HAPLN3: variants seen among roughly 807,000 people sequenced by gnomAD.
HAPLN3 encodes the protein extracellular link domain containing, 1.
HAPLN3 carries 28 observed loss-of-function variants against 28.1 expected under a neutral mutation model. The ratio of observed to expected loss-of-function variants is 1.00; its 90% confidence interval spans 0.74 to 1.37. The LOEUF is 1.37. HAPLN3 is among the 40% of genes most tolerant of loss of function. The pLI, the probability that HAPLN3 is intolerant of heterozygous loss-of-function variation, is 0.00. For synonymous variants in HAPLN3, 211 were observed against 213.1 expected (o/e 0.99, Z 0.09); for missense variants, 513 against 504.6 (o/e 1.02, Z -0.16).
Position 88,879,566 on chromosome 15 carries a change from T to C in HAPLN3, c.494-297A>G. The stretch of plus-strand genomic sequence containing the variant: ...CGCAAGGCTGTCGCCAGACCCCCAG[T>C]GAGGCTGTGCCATCTTCTCCAGACA... On this transcript the variant is annotated intron_variant, in intron 3 of 4. Transcript: ENST00000359595. This position sits in a 1 kb window ranked among gnomAD's most constrained non-coding sequence, Gnocchi z 5.0. 1 of 1,387,348 alleles carries C rather than the reference T, an allele frequency of 7.2e-7. No homozygotes were observed. The highest frequency in any genetic ancestry group is 1.2e-5 in the South Asian group (1 of 81,070). The allele number at this position is 1,387,348 out of a possible 1,614,324, so 85.9% of individuals were successfully genotyped here.
Position 88,880,172 on chromosome 15 carries a change from A to G in HAPLN3, c.494-903T>C, listed in dbSNP as rs1897659140. ...CGTGTGTTTGCAGGGGGACTATTTCATGCCTGGTTCCACCCCAAATTCCTA... is the reference window on the plus strand; with the variant it reads ...CGTGTGTTTGCAGGGGGACTATTTCGTGCCTGGTTCCACCCCAAATTCCTA... On this transcript the variant is annotated intron_variant, in intron 3 of 4. Transcript: ENST00000359595. The surrounding 1 kb of genome is among the most constrained non-coding windows in gnomAD (Gnocchi z 6.0). The G allele has an allele frequency of 1.0e-6, 1 of 995,234 alleles. No homozygotes were observed. The highest frequency in any genetic ancestry group is 4.5e-5 in the South Asian group (1 of 22,274). 61.7% of individuals were successfully genotyped at this position (995,234 alleles called of 1,614,324 possible).
At chr15:88,889,710 A>G (rs992008553) in intron 1 of HAPLN3, among the ~76,000 whole-genome samples, 1 of 152,214 alleles carries the variant, frequency 6.6e-6, no homozygotes, top group Non-Finnish European at 1.5e-5. Flanking sequence ...TCACATCTTA[A>G]GACACTTCCC....
rs1897718086 is a variant in HAPLN3, at chr15:88,881,966, A to C, written c.125-241T>G. On this transcript the variant is annotated intron_variant, in intron 2 of 4. Transcript: ENST00000359595. The surrounding 1 kb of genome is among the most constrained non-coding windows in gnomAD (Gnocchi z 6.0). ...GCTGGCCTTGCCACTTGCTTGACCA[A>C]CTGAATGCCTTGGAAGTGACTGTTA... Among the ~76,000 whole-genome samples, 1 of 152,100 alleles carries C rather than the reference A, an allele frequency of 6.6e-6. No individual in the cohort carries two copies. The highest frequency in any genetic ancestry group is 6.5e-5 in the Admixed American group (1 of 15,288).
In HAPLN3 at chr15:88,881,168, T is replaced by C. The variant is rs1897685236; in HGVS notation, c.493+189A>G. Reference sequence around the variant, plus strand: ...TACAAGCTGTGTGACCTTAGGTAAGTTACTTGACCTCTCTGTGCCTCAGTT... The same window carrying C: ...TACAAGCTGTGTGACCTTAGGTAAGCTACTTGACCTCTCTGTGCCTCAGTT... On this transcript the variant is annotated intron_variant, in intron 3 of 4. Transcript: ENST00000359595. This position sits in a 1 kb window ranked among gnomAD's most constrained non-coding sequence, Gnocchi z 6.0. 1 of 701,190 alleles carries C rather than the reference T, an allele frequency of 1.4e-6. No homozygotes were observed. The highest frequency in any genetic ancestry group is 2.3e-6 in the Non-Finnish European group (1 of 433,976). 43.4% of individuals were successfully genotyped at this position (701,190 alleles called of 1,614,324 possible). A position where few individuals can be genotyped will look rare whatever the true frequency, so the allele number is the denominator to read the frequency against.
rs1175819055 is a variant in HAPLN3, at chr15:88,881,778, C to A, written c.125-53G>T. 4 of 1,547,368 alleles carry A rather than the reference C, an allele frequency of 2.6e-6. No homozygotes were observed. The East Asian group carries it at 9.1e-5, about 35-fold the overall frequency. On this transcript the variant is annotated intron_variant, in intron 2 of 4. Coordinates refer to ENST00000359595, the MANE Select transcript of HAPLN3 (RefSeq NM_178232.4). The surrounding 1 kb of genome is among the most constrained non-coding windows in gnomAD (Gnocchi z 6.0). Reference sequence around the variant, plus strand: ...GACCTGCTGAAGCACATCTGTACCCCTGCAAGGGCCACCGCACACCCTCAT... The same window carrying A: ...GACCTGCTGAAGCACATCTGTACCCATGCAAGGGCCACCGCACACCCTCAT...
In HAPLN3 at chr15:88,880,520, G is replaced by A. The variant is rs918361321; in HGVS notation, c.493+837C>T. 1.6e-6 allele frequency: 2 copies of A among 1,279,816 alleles called. No individual in the cohort carries two copies. Among genetic ancestry groups the A allele is most frequent in the Non-Finnish European group, 2.0e-6 (2 of 980,682 alleles). 79.3% of individuals were successfully genotyped at this position (1,279,816 alleles called of 1,614,324 possible). On this transcript the variant is annotated intron_variant, in intron 3 of 4. Coordinates refer to ENST00000359595, the MANE Select transcript of HAPLN3 (RefSeq NM_178232.4). The surrounding 1 kb of genome is among the most constrained non-coding windows in gnomAD (Gnocchi z 6.0). ...GCATTTACCCACATGTCATAGCTGG[G>A]ACGGGCTGGGGCTAAAGTCAGGTCA...
chr15:88,893,785 G>A (rs991280967), intron 1 of HAPLN3, among the ~76,000 whole-genome samples: 3 of 152,024 alleles, frequency 2.0e-5, no homozygotes, highest in Non-Finnish European at 2.9e-5. Context: ...AAAATTAGCC[G>A]AGTGTGGTGA....
chr15:88,885,463 T>G (rs1395734067), intron 2 of HAPLN3, among the ~76,000 whole-genome samples: 5 of 148,358 alleles, frequency 3.4e-5, no homozygotes, highest in African/African-American at 9.9e-5. Context: ...TTTGTGTTTT[T>G]TTTTTTTTTT....
chr15:88,880,309 C>T lies in HAPLN3; in HGVS notation c.494-1040G>A. 1 of 1,060,392 alleles carries T rather than the reference C, an allele frequency of 9.4e-7. No homozygotes were observed. The highest frequency in any genetic ancestry group is 1.1e-6 in the Non-Finnish European group (1 of 873,356). 65.7% of individuals were successfully genotyped at this position (1,060,392 alleles called of 1,614,324 possible). A position where few individuals can be genotyped will look rare whatever the true frequency, so the allele number is the denominator to read the frequency against. ...CTCCCCAACTCCACTGCCACCCCAA[C>T]TTCAAGAATGAGGAATGCGGCCCCT... On this transcript the variant is annotated intron_variant, in intron 3 of 4. Coordinates refer to ENST00000359595, the MANE Select transcript of HAPLN3 (RefSeq NM_178232.4). The surrounding 1 kb of genome is among the most constrained non-coding windows in gnomAD (Gnocchi z 6.0).
chr15:88,881,790 C>T lies in HAPLN3; in HGVS notation c.125-65G>A. ...CACATCTGTACCCCTGCAAGGGCCA[C>T]CGCACACCCTCATCCACGGCTCCTA... On this transcript the variant is annotated intron_variant, in intron 2 of 4. Transcript: ENST00000359595. This position sits in a 1 kb window ranked among gnomAD's most constrained non-coding sequence, Gnocchi z 6.0. The T allele has an allele frequency of 6.6e-7, 1 of 1,522,868 alleles. No homozygotes were observed. The highest frequency in any genetic ancestry group is 8.8e-7 in the Non-Finnish European group (1 of 1,131,766). 94.3% of individuals were successfully genotyped at this position (1,522,868 alleles called of 1,614,324 possible). A position where few individuals can be genotyped will look rare whatever the true frequency, so the allele number is the denominator to read the frequency against.
Position 88,881,014 on chromosome 15 carries a change from C to G in HAPLN3, c.493+343G>C. 3.0e-6 allele frequency: 1 copy of G among 332,994 alleles called. No individual in the cohort carries two copies. The highest frequency in any genetic ancestry group is 5.6e-6 in the Non-Finnish European group (1 of 179,416). The allele number at this position is 332,994 out of a possible 1,614,324, so 20.6% of individuals were successfully genotyped here. On this transcript the variant is annotated intron_variant, in intron 3 of 4. Coordinates refer to ENST00000359595, the MANE Select transcript of HAPLN3 (RefSeq NM_178232.4). The surrounding 1 kb of genome is among the most constrained non-coding windows in gnomAD (Gnocchi z 6.0). The stretch of plus-strand genomic sequence containing the variant: ...CCCGCTAACCTTGCTTAAATCTCAG[C>G]TCTGTCTCTAATAAGCTGTGGGACC...
intron 1 of HAPLN3, among the ~76,000 whole-genome samples, chr15:88,894,622 G>C (rs1567209100): frequency 6.6e-6 from 1 of 152,130 alleles, no homozygotes; most frequent in African/African-American, 2.4e-5. Flanking sequence ...AGGGAGAGAA[G>C]CCAGGGCCCC....
rs536509497 is a variant in HAPLN3, at chr15:88,880,108, A to G, written c.494-839T>C. 1 of 992,216 alleles carries G rather than the reference A, an allele frequency of 1.0e-6. No individual in the cohort carries two copies. Among genetic ancestry groups the G allele is most frequent in the African/African-American group, 1.7e-5 (1 of 57,420 alleles). The allele number at this position is 992,216 out of a possible 1,614,324, so 61.5% of individuals were successfully genotyped here. A position where few individuals can be genotyped will look rare whatever the true frequency, so the allele number is the denominator to read the frequency against. ...TGGGCAAAGCCAGGTTGGGCGGCAG[A>G]GAAGCCCATGGGCCCTGACAGTCAG... On this transcript the variant is annotated intron_variant, in intron 3 of 4. Transcript: ENST00000359595. The surrounding 1 kb of genome is among the most constrained non-coding windows in gnomAD (Gnocchi z 6.0).
Position 88,880,560 on chromosome 15 carries a change from C to A in HAPLN3, c.493+797G>T. ...AAGTCAGGTCACCTTCCTCTATCCC[C>A]GAACTGCCTCCCTAACATGTGGGAG... On this transcript the variant is annotated intron_variant, in intron 3 of 4. Coordinates refer to ENST00000359595, the MANE Select transcript of HAPLN3 (RefSeq NM_178232.4). This position sits in a 1 kb window ranked among gnomAD's most constrained non-coding sequence, Gnocchi z 6.0. 1 of 1,288,660 alleles carries A rather than the reference C, an allele frequency of 7.8e-7. No individual in the cohort carries two copies. The highest frequency in any genetic ancestry group is 1.0e-6 in the Non-Finnish European group (1 of 988,362). 79.8% of individuals were successfully genotyped at this position (1,288,660 alleles called of 1,614,324 possible).
intron 1 of HAPLN3, chr15:88,892,946 G>T (rs1192874514): frequency 9.1e-6 from 14 of 1,533,374 alleles, no homozygotes; most frequent in Non-Finnish European, 1.1e-5. Flanking sequence ...CCAGCTGGAA[G>T]GCCCAAGACC....
In HAPLN3 at chr15:88,879,766, G is replaced by A. The variant is rs2141656444; in HGVS notation, c.494-497C>T. On this transcript the variant is annotated intron_variant, in intron 3 of 4. Transcript: ENST00000359595. The surrounding 1 kb of genome is among the most constrained non-coding windows in gnomAD (Gnocchi z 5.0). ...GGAGAGGCCCTAGAGGCCGTGGGGA[G>A]AGGGTTGGGGAAGGGCCTTCCATAA... is the stretch of plus-strand genomic sequence containing the variant. 4.4e-6 allele frequency: 5 copies of A among 1,142,092 alleles called. No individual in the cohort carries two copies. In the South Asian group the frequency reaches 9.7e-5, roughly 22 times the overall value. 70.7% of individuals were successfully genotyped at this position (1,142,092 alleles called of 1,614,324 possible).
chr15:88,890,805 C>T (rs1025873225), intron 1 of HAPLN3, among the ~76,000 whole-genome samples: 1 of 152,206 alleles, frequency 6.6e-6, no homozygotes, highest in Admixed American at 6.5e-5. Context: ...TGCCCATCAG[C>T]CCTGGACCTC....
intron 1 of HAPLN3, among the ~76,000 whole-genome samples, chr15:88,890,884 C>CTTTT (rs58694396): frequency 0.013 from 1,867 of 148,188 alleles, 27 homozygotes; most frequent in African/African-American, 0.029. Flanking sequence ...TTTTTTGCAT[C>CTTTT]TTTTTTTTTT....
chr15:88,881,818 G>A lies in HAPLN3; in HGVS notation c.125-93C>T. 7.0e-7 allele frequency: 1 copy of A among 1,421,418 alleles called. No homozygotes were observed. The highest frequency in any genetic ancestry group is 9.4e-7 in the Non-Finnish European group (1 of 1,059,104). The allele number at this position is 1,421,418 out of a possible 1,614,324, so 88.1% of individuals were successfully genotyped here. A position where few individuals can be genotyped will look rare whatever the true frequency, so the allele number is the denominator to read the frequency against. On this transcript the variant is annotated intron_variant, in intron 2 of 4. Transcript: ENST00000359595. The surrounding 1 kb of genome is among the most constrained non-coding windows in gnomAD (Gnocchi z 6.0). ...CACACCCTCATCCACGGCTCCTACA[G>A]GCTCAGATTGCAAAAATGGCCACCA... is the stretch of plus-strand genomic sequence containing the variant.
Sources: allele counts gnomAD v4.1 joint callset (sites outside exome capture counted in the v4.1 genomes callset), GRCh38; gene constraint gnomAD v4.1.1; non-coding constraint Gnocchi (gnomAD v3.1); transcripts MANE v1.5; gene names NCBI Gene and HGNC (gene_info 2026-07-23, HGNC 2026-07-21).